CACNA1C: variants seen among roughly 807,000 people sequenced by gnomAD.
CACNA1C encodes the protein voltage-dependent L-type calcium channel subunit alpha-1C.
A neutral mutation model predicts 229.0 loss-of-function variants in CACNA1C; 30 were observed. That is an observed-to-expected ratio of 0.13 (90% CI 0.10 to 0.18). The LOEUF (loss-of-function observed/expected upper bound fraction) is 0.18, where lower values mean the gene tolerates loss of function less well. CACNA1C is among the 10% of genes least tolerant of loss of function. CACNA1C has a pLI of 1.00. For missense variants in CACNA1C, 1,658 were observed against 2,845.0 expected (o/e 0.58, Z 9.49); for synonymous variants, 1,114 against 1,132.5 (o/e 0.98, Z 0.33).
At chr12:2,262,189 C>T (rs146858973) in intron 3 of CACNA1C, among the ~76,000 whole-genome samples, 5 of 152,350 alleles carry the variant, frequency 3.3e-5, no homozygotes, top group South Asian at 2.1e-4. Context: ...AGGCTAGAGT[C>T]GATGACTTGG....
In CACNA1C at chr12:2,053,106, C is replaced by G; in HGVS notation, c.-457C>G. ...CCTCCGCGCCCAGGAGTTGCCGGCT[C>G]CCTTTGACAGCAGAGAGCCGGGCAG... On this transcript the variant is annotated 5_prime_UTR_variant, in exon 1 of 47. Transcript: ENST00000399655. The surrounding 1 kb of genome is among the most constrained non-coding windows in gnomAD (Gnocchi z 5.8). The G allele has an allele frequency of 2.0e-6, 2 of 984,820 alleles. No homozygotes were observed. Among genetic ancestry groups the G allele is most frequent in the South Asian group, 9.4e-5 (2 of 21,276 alleles). The allele number at this position is 984,820 out of a possible 1,614,324, so 61.0% of individuals were successfully genotyped here.
intron 1 of CACNA1C, among the ~76,000 whole-genome samples, chr12:2,097,264 G>C (rs916630660): frequency 3.9e-5 from 6 of 152,068 alleles, no homozygotes; most frequent in Non-Finnish European, 5.9e-5. Context: ...TCCTGCCTCA[G>C]CCTCCCGTGT....
At position 2,504,287 on chromosome 12, in the gene CACNA1C, C is replaced by T; in HGVS notation, c.1114-555C>T. 1.7e-6 allele frequency: 1 copy of T among 594,962 alleles called. No homozygotes were observed. Among genetic ancestry groups the T allele is most frequent in the Non-Finnish European group, 3.0e-6 (1 of 328,244 alleles). 36.9% of individuals were successfully genotyped at this position (594,962 alleles called of 1,614,324 possible). On this transcript the variant is annotated intron_variant, in intron 7 of 46. Transcript: ENST00000399655. The surrounding 1 kb of genome is among the most constrained non-coding windows in gnomAD (Gnocchi z 6.8). ...GGAGTTCCTTTGAACATGGGCGATG[C>T]CCTGGGTAACACGGGTAACCTGGTG...
chr12:2,628,492 AC>A (rs1214809501), intron 29 of CACNA1C, among the ~76,000 whole-genome samples: 1 of 152,082 alleles, frequency 6.6e-6, no homozygotes. Flanking sequence ...AGATTCCAGA[AC>A]CTTCAGCTTC....
intron 3 of CACNA1C, among the ~76,000 whole-genome samples, chr12:2,331,337 C>A (rs1329912614): frequency 6.6e-6 from 1 of 152,110 alleles, no homozygotes; most frequent in Non-Finnish European, 1.5e-5. Flanking sequence ...AATAATGACA[C>A]CCCTAGAGCA....
chr12:2,503,868 C>T (rs1184980495), intron 7 of CACNA1C, among the ~76,000 whole-genome samples: 1 of 152,240 alleles, frequency 6.6e-6, no homozygotes. Context: ...CCTCTCCCAG[C>T]CGGTGGCCCG....
At chr12:2,589,445 G>A (rs1420511125) in intron 18 of CACNA1C, among the ~76,000 whole-genome samples, 1 of 152,264 alleles carries the variant, frequency 6.6e-6, no homozygotes, top group Non-Finnish European at 1.5e-5. Flanking sequence ...TCTAGGTGGA[G>A]ACCCTGAGTG....
intron 1 of CACNA1C, among the ~76,000 whole-genome samples, chr12:2,056,196 AGTGTGTGTGTGTGTGTGTGTGTGT>A (rs138718348): frequency 0.02 from 2,995 of 146,126 alleles, 45 homozygotes; most frequent in Admixed American, 0.033. Flanking sequence ...AGTGTGTGTG[AGTGTGTGTGTGTGTGTGTGTGTGT>A]GTGTGTGTGT....
intron 3 of CACNA1C, among the ~76,000 whole-genome samples, chr12:2,340,557 A>T (rs1235618349): frequency 6.6e-6 from 1 of 152,234 alleles, no homozygotes; most frequent in African/African-American, 2.4e-5. Context: ...GGGCATTCTT[A>T]TTTCTACCTG....
At chr12:2,635,650 T>C (rs1363568756) in intron 30 of CACNA1C, among the ~76,000 whole-genome samples, 6 of 152,136 alleles carry the variant, frequency 3.9e-5, no homozygotes, top group Non-Finnish European at 8.8e-5. Flanking sequence ...GCTCCTCTTT[T>C]AGCAGATGGA....
At chr12:2,231,932 T>C (rs950980926) in intron 3 of CACNA1C, among the ~76,000 whole-genome samples, 3 of 152,226 alleles carry the variant, frequency 2.0e-5, no homozygotes, top group African/African-American at 4.8e-5. Flanking sequence ...TTTTTTACAT[T>C]TTATTTTGAA....
At chr12:2,374,961 A>G (rs1481335404) in intron 3 of CACNA1C, among the ~76,000 whole-genome samples, 2 of 152,180 alleles carry the variant, frequency 1.3e-5, no homozygotes, top group Non-Finnish European at 2.9e-5. Flanking sequence ...GTTGTCTGGG[A>G]ACTGGGCAAT....
At position 2,666,803 on chromosome 12, in the gene CACNA1C, T is replaced by C. The variant is rs1352330433; in HGVS notation, c.4623+21T>C. 2.0e-6 allele frequency: 3 copies of C among 1,476,440 alleles called. No individual in the cohort carries two copies. The highest frequency in any genetic ancestry group is 2.8e-6 in the Non-Finnish European group (3 of 1,069,008). 91.5% of individuals were successfully genotyped at this position (1,476,440 alleles called of 1,614,324 possible). Reference sequence around the variant, plus strand: ...GCAAAGTAAGAGATAACGGGGTTCATGGGAGGGAGAGGGAAAATAGGGGAA... The same window carrying C: ...GCAAAGTAAGAGATAACGGGGTTCACGGGAGGGAGAGGGAAAATAGGGGAA... On this transcript the variant is annotated intron_variant, in intron 37 of 46. Transcript: ENST00000399655. The surrounding 1 kb of genome is among the most constrained non-coding windows in gnomAD (Gnocchi z 5.3).
chr12:2,097,179 T>C (rs1356485814), intron 1 of CACNA1C, among the ~76,000 whole-genome samples: 1 of 152,182 alleles, frequency 6.6e-6, no homozygotes, highest in Non-Finnish European at 1.5e-5. Flanking sequence ...GGAGTCTTGC[T>C]CTGTCACCCA....
At position 2,216,828 on chromosome 12, in the gene CACNA1C, C is replaced by A. The variant is rs148853112; in HGVS notation, c.477+96398C>A. ...AAGGCAAAATGTGTAGACTCCAGCACAGAATTTGCTGTTTTCCAGGCTGAG... is the reference window on the plus strand; with the variant it reads ...AAGGCAAAATGTGTAGACTCCAGCAAAGAATTTGCTGTTTTCCAGGCTGAG... On this transcript the variant is annotated intron_variant, in intron 3 of 46. Transcript: ENST00000399655. Among the ~76,000 whole-genome samples, 93 of 152,210 alleles carry A rather than the reference C, an allele frequency of 6.1e-4. No individual in the cohort carries two copies. The East Asian group carries it at 0.017, about 28-fold the overall frequency.
chr12:2,149,816 G>A (rs1460161463), intron 3 of CACNA1C, among the ~76,000 whole-genome samples: 1 of 152,202 alleles, frequency 6.6e-6, no homozygotes, highest in African/African-American at 2.4e-5. Context: ...GCTGCCGGTG[G>A]ATCCGGAGGC....
At position 2,597,317 on chromosome 12, in the gene CACNA1C, C is replaced by A. The variant is rs1262830903; in HGVS notation, c.2853+28C>A. On this transcript the variant is annotated intron_variant, in intron 21 of 46. Transcript: ENST00000399655. The surrounding 1 kb of genome is among the most constrained non-coding windows in gnomAD (Gnocchi z 4.3). ...AAAGCCCCCATCCCCTTCTGCTCCTCCTGTCCCCCTTGTGCCAGCACCAGG... is the reference window on the plus strand; with the variant it reads ...AAAGCCCCCATCCCCTTCTGCTCCTACTGTCCCCCTTGTGCCAGCACCAGG... The A allele has an allele frequency of 6.4e-7, 1 of 1,570,928 alleles. No homozygotes were observed. Among genetic ancestry groups the A allele is most frequent in the Non-Finnish European group, 8.8e-7 (1 of 1,141,034 alleles).
At chr12:2,580,396 T>A (rs1402780538) in intron 13 of CACNA1C, among the ~76,000 whole-genome samples, 7 of 152,086 alleles carry the variant, frequency 4.6e-5, no homozygotes, top group African/African-American at 1.7e-4. Context: ...GCAATGGGAG[T>A]GGCTTGCATG....
At chr12:1,974,273 A>G (rs1049313410) in intron 1 of CACNA1C, among the ~76,000 whole-genome samples, 3 of 152,182 alleles carry the variant, frequency 2.0e-5, no homozygotes, top group Non-Finnish European at 4.4e-5. Flanking sequence ...TCAATTGATT[A>G]CACCTTCTAC....
Sources: gnomAD v4.1 joint callset for allele counts (sites outside exome capture counted in the v4.1 genomes callset) on GRCh38, gnomAD v4.1.1 for gene constraint, Gnocchi (gnomAD v3.1) non-coding constraint, MANE v1.5 for transcripts, NCBI Gene and HGNC (gene_info 2026-07-23, HGNC 2026-07-21) for gene names.